Variants in MAGI1 observed in about 807,000 individuals in gnomAD.
MAGI1 encodes the protein membrane-associated guanylate kinase, WW and PDZ domain-containing protein 1.
A neutral mutation model predicts 139.9 loss-of-function variants in MAGI1; 58 were observed. The ratio of observed to expected loss-of-function variants is 0.41; its 90% CI spans 0.34 to 0.52. The LOEUF is 0.52. Ranked by LOEUF, MAGI1 falls within the 20% of genes least tolerant of loss-of-function variation. MAGI1 has a pLI of 0.12. For synonymous variants in MAGI1, 812 were observed against 737.9 expected, an observed-to-expected ratio of 1.10 and a Z score of -1.63; for missense variants, 1,874 against 1,901.6, an observed-to-expected ratio of 0.99 and a Z score of 0.27.
At chr3:66,018,604 A>C (rs2067794836) in intron 1 of MAGI1, among the ~76,000 whole-genome samples, 1 of 152,210 alleles carries the variant, frequency 6.6e-6, no homozygotes, top group Admixed American at 6.5e-5. Context: ...CCTCACATGG[A>C]TCATGATCAC....
chr3:65,356,957 T>C lies in MAGI1; in HGVS notation c.3810A>G (p.Arg1270=), dbSNP rs1940235011. ...RAHARDPKGS[R]EYSRQPNEHH... is the part of the protein sequence containing the mutation. ...GTTCATTGGGTTGTCTGCTATACTC[T>C]CTGCTGCCTTTCGGATCCCTTGCGT... Residue 1270 remains arginine, a synonymous_variant, in exon 23 of 23, where the codon AGA becomes AGG. Coordinates refer to ENST00000402939, the MANE Select transcript of MAGI1 (RefSeq NM_001033057.2). The C allele has an allele frequency of 2.5e-6, 4 of 1,614,036 alleles. No homozygotes were observed. Among genetic ancestry groups the C allele is most frequent in the South Asian group, 1.1e-5 (1 of 91,090 alleles).
chr3:65,880,911 G>A (rs931511001), intron 1 of MAGI1, among the ~76,000 whole-genome samples: 1 of 149,084 alleles, frequency 6.7e-6, no homozygotes, highest in Admixed American at 6.7e-5. Flanking sequence ...TCTCTGGCGT[G>A]TGTGTGTGTG....
chr3:65,575,059 T>C (rs982536502), intron 2 of MAGI1, among the ~76,000 whole-genome samples: 1 of 152,042 alleles, frequency 6.6e-6, no homozygotes, highest in Non-Finnish European at 1.5e-5. Flanking sequence ...AATTGGTAAT[T>C]TGTATTGCTT....
chr3:65,763,329 A>T (rs1314469077), intron 1 of MAGI1, among the ~76,000 whole-genome samples: 1 of 152,194 alleles, frequency 6.6e-6, no homozygotes, highest in Non-Finnish European at 1.5e-5. Context: ...ACTTCCTTAG[A>T]TCTATATTTC....
intron 1 of MAGI1, among the ~76,000 whole-genome samples, chr3:65,891,885 AATATATAT>A (rs55826911): frequency 0.012 from 440 of 37,442 alleles, 23 homozygotes; most frequent in Non-Finnish European, 0.013. Flanking sequence ...CTTAAAGTAT[AATATATAT>A]ATATATATAT....
intron 2 of MAGI1, among the ~76,000 whole-genome samples, chr3:65,529,963 G>C (rs1329956553): frequency 6.6e-6 from 1 of 151,870 alleles, no homozygotes; most frequent in African/African-American, 2.4e-5. Context: ...CTTCACATTT[G>C]GAATGTCTTA....
chr3:65,413,298 C>T (rs1321669940), intron 12 of MAGI1, among the ~76,000 whole-genome samples: 1 of 152,134 alleles, frequency 6.6e-6, no homozygotes, highest in Non-Finnish European at 1.5e-5. Context: ...ATGCCTGGTA[C>T]CATATCAAGC....
intron 18 of MAGI1, among the ~76,000 whole-genome samples, chr3:65,366,204 T>G (rs1351251442): frequency 6.6e-6 from 1 of 152,176 alleles, no homozygotes; most frequent in Non-Finnish European, 1.5e-5. Flanking sequence ...CAATAAGCAC[T>G]CAATACACAT....
intron 18 of MAGI1, among the ~76,000 whole-genome samples, chr3:65,369,402 C>T (rs1337430839): frequency 1.3e-5 from 2 of 152,108 alleles, no homozygotes; most frequent in Non-Finnish European, 2.9e-5. Flanking sequence ...ATAGCATGAA[C>T]TAGACATGGA....
chr3:65,692,013 CA>C lies in MAGI1; in HGVS notation c.314-69926del, dbSNP rs2088707734. ...AAGTTGTAGCTAATTACTCCAAAGT[CA>C]AAATTTAAATATTCTGTATTTGTGA... On this transcript the variant is annotated intron_variant, in intron 1 of 22. Transcript: ENST00000402939. 3.3e-5 allele frequency among the ~76,000 whole-genome samples: 5 copies of C among 152,000 alleles called. No individual in the cohort carries two copies. The South Asian group carries it at 1.0e-3, about 32-fold the overall frequency.
chr3:65,756,684 C>A (rs59845578), intron 1 of MAGI1, among the ~76,000 whole-genome samples: 47 of 152,144 alleles, frequency 3.1e-4, no homozygotes, highest in Non-Finnish European at 4.1e-4. Flanking sequence ...TTCCTGTAAA[C>A]TACCTTTATG....
At chr3:65,584,314 G>A (rs184737676) in intron 2 of MAGI1, among the ~76,000 whole-genome samples, 1 of 152,158 alleles carries the variant, frequency 6.6e-6, no homozygotes, top group Admixed American at 6.5e-5. Flanking sequence ...TTAAAATAGG[G>A]TCAGCTTATA....
chr3:65,580,498 G>C (rs1198764575), intron 2 of MAGI1, among the ~76,000 whole-genome samples: 1 of 152,108 alleles, frequency 6.6e-6, no homozygotes, highest in Non-Finnish European at 1.5e-5. Context: ...AACTTTTGCA[G>C]AATAAAAAGA....
At chr3:65,745,740 C>T (rs1158823487) in intron 1 of MAGI1, among the ~76,000 whole-genome samples, 12 of 117,696 alleles carry the variant, frequency 1.0e-4, no homozygotes, top group Admixed American at 3.1e-4. Flanking sequence ...TTTTGTTTTT[C>T]CCCCCTTGAG....
intron 12 of MAGI1, among the ~76,000 whole-genome samples, chr3:65,419,231 C>CACACACACACACAT (rs1553641821): frequency 6.2e-4 from 93 of 150,878 alleles, no homozygotes; most frequent in Middle Eastern, 3.4e-3. Flanking sequence ...TACACACACA[C>CACACACACACACAT]ACACACACAC....
intron 1 of MAGI1, among the ~76,000 whole-genome samples, chr3:65,763,093 T>C (rs2037168338): frequency 6.6e-6 from 1 of 152,156 alleles, no homozygotes; most frequent in African/African-American, 2.4e-5. Flanking sequence ...CTCTTTTCCT[T>C]CCTGAAAGCA....
chr3:65,755,079 C>T (rs542513879), intron 1 of MAGI1, among the ~76,000 whole-genome samples: 1 of 151,780 alleles, frequency 6.6e-6, no homozygotes, highest in Non-Finnish European at 1.5e-5. Context: ...TCCCTAGTAG[C>T]TGGGATTACA....
intron 2 of MAGI1, among the ~76,000 whole-genome samples, chr3:65,554,994 G>A (rs11926953): frequency 0.02 from 3,059 of 152,272 alleles, 95 homozygotes; most frequent in African/African-American, 0.069. Flanking sequence ...ATAGTACATG[G>A]ATTAGTTAAT....
intron 2 of MAGI1, among the ~76,000 whole-genome samples, chr3:65,546,695 T>G (rs532425222): frequency 5.9e-5 from 9 of 152,336 alleles, no homozygotes; most frequent in African/African-American, 1.7e-4. Context: ...TAACAGCCTA[T>G]GAAGAAAGTA....
Sources: allele counts gnomAD v4.1 joint callset (sites outside exome capture counted in the v4.1 genomes callset), GRCh38; gene constraint gnomAD v4.1.1; transcripts MANE v1.5; gene names NCBI Gene and HGNC (gene_info 2026-07-23, HGNC 2026-07-21).